The following SLCO1B1 variants were observed in gnomAD, a reference collection of about 807,000 sequenced individuals.
SLCO1B1 encodes solute carrier organic anion transporter family member 1B1.
SLCO1B1 carries 81 observed loss-of-function variants against 70.1 expected under a neutral mutation model. The observed-to-expected ratio is 1.16, with a 90% confidence interval of 0.97 to 1.39. SLCO1B1 has a LOEUF of 1.39. SLCO1B1 is among the 40% of genes most tolerant of loss of function. The pLI, the probability that SLCO1B1 is intolerant of heterozygous loss-of-function variation, is 0.00. For synonymous variants in SLCO1B1, 283 were observed against 271.5 expected (o/e 1.04, Z -0.42); for missense variants, 895 against 799.6 (o/e 1.12, Z -1.44).
chr12:21,200,434 C>T (rs145609093), intron 8 of SLCO1B1, 74 bp from the exon 9 acceptor site: 38 of 986,544 alleles, frequency 3.9e-5, no homozygotes, highest in Admixed American at 5.8e-5. Flanking sequence ...ACATGACTTA[C>T]GTTCACAAAT....
chr12:21,228,115 T>C (rs1470346606), intron 14 of SLCO1B1, among the ~76,000 whole-genome samples: 3 of 152,154 alleles, frequency 2.0e-5, no homozygotes, highest in African/African-American at 7.2e-5. Context: ...AGGGTCGGTC[T>C]TTGTACATCC....
At chr12:21,220,571 C>G (rs1445983082) in intron 12 of SLCO1B1, among the ~76,000 whole-genome samples, 1 of 151,990 alleles carries the variant, frequency 6.6e-6, no homozygotes, top group African/African-American at 2.4e-5. Flanking sequence ...AGGATCAGTT[C>G]TCAATCACTC....
chr12:21,136,102 C>G (rs181871320), intron 1 of SLCO1B1, among the ~76,000 whole-genome samples: 5,758 of 152,158 alleles, frequency 0.038, 397 homozygotes, highest in East Asian at 0.31. Context: ...CTTCGTTTGG[C>G]TGGATATGAA....
chr12:21,147,763 A>G (rs1940408319), intron 2 of SLCO1B1, among the ~76,000 whole-genome samples: 1 of 152,096 alleles, frequency 6.6e-6, no homozygotes. Flanking sequence ...GTGTCTTTAT[A>G]GTAGAATGAT....
rs1268080309 is a variant in SLCO1B1 at position 21,206,022 on chromosome 12, A to G, written c.1486A>G (p.Lys496Glu). ...LAGCKSSSGN[K>E]KPIVFYNCSC... ...AGGTTGCAAATCTTCAAGTGGCAATAAAAAGCCTATAGTGAGTATTAGTTT... is the reference window on the plus strand; with the variant it reads ...AGGTTGCAAATCTTCAAGTGGCAATGAAAAGCCTATAGTGAGTATTAGTTT... The change falls in exon 11 of 15, where the codon AAA (lysine) becomes GAA (glutamate). Residue 496 changes from lysine to glutamate, a missense_variant. Transcript: ENST00000256958. The G allele has an allele frequency of 3.1e-6, 5 of 1,611,554 alleles. No individual in the cohort carries two copies. The highest frequency in any genetic ancestry group is 1.3e-5 in the African/African-American group (1 of 74,834).
At chr12:21,215,037 G>A (rs555670104) in intron 11 of SLCO1B1, among the ~76,000 whole-genome samples, 1 of 152,190 alleles carries the variant, frequency 6.6e-6, no homozygotes, top group Non-Finnish European at 1.5e-5. Context: ...CGTCGCTCAC[G>A]CTGGGAGCTG....
chr12:21,166,883 A>C (rs926314091), intron 2 of SLCO1B1, among the ~76,000 whole-genome samples: 2 of 152,200 alleles, frequency 1.3e-5, no homozygotes, highest in Admixed American at 1.3e-4. Flanking sequence ...ATAAGTTAGA[A>C]GCAACCAAGG....
At chr12:21,211,626 A>G (rs1352129072) in intron 11 of SLCO1B1, among the ~76,000 whole-genome samples, 1 of 152,102 alleles carries the variant, frequency 6.6e-6, no homozygotes, top group Non-Finnish European at 1.5e-5. Flanking sequence ...GAATAGTTTC[A>G]GAAGGAATGG....
In SLCO1B1 at chr12:21,174,670, G is replaced by T; in HGVS notation, c.320G>T (p.Gly107Val). 1 of 1,612,862 alleles carries T rather than the reference G, an allele frequency of 6.2e-7. No individual in the cohort carries two copies. Reference protein sequence around the residue: ...IGIGCFIMGIGGVLTALPHFF... With the variant: ...IGIGCFIMGIVGVLTALPHFF... ...ATCGGTTGTTTCATTATGGGAATTGGAGGTGTTTTGACTGCTTTGCCACAT... is the reference window on the plus strand; with the variant it reads ...ATCGGTTGTTTCATTATGGGAATTGTAGGTGTTTTGACTGCTTTGCCACAT... The change falls in exon 4 of 15, where the codon GGA becomes GTA. Residue 107 changes from glycine (G) to valine (V), a missense_variant. Transcript: ENST00000256958.
intron 2 of SLCO1B1, among the ~76,000 whole-genome samples, chr12:21,160,325 T>G (rs992196531): frequency 1.4e-4 from 21 of 151,908 alleles, no homozygotes; most frequent in African/African-American, 4.6e-4. Context: ...TTAGGCCGCA[T>G]GCCTATGAAC....
intron 2 of SLCO1B1, among the ~76,000 whole-genome samples, chr12:21,169,652 C>G (rs573176299): frequency 1.3e-5 from 2 of 152,172 alleles, no homozygotes; most frequent in South Asian, 4.1e-4. Flanking sequence ...TTCATATTCT[C>G]TTTTAATTCA....
chr12:21,176,936 G>A (rs752194880), intron 5 of SLCO1B1, 39 bp downstream of exon 5: 2 of 1,430,906 alleles, frequency 1.4e-6, no homozygotes, highest in Non-Finnish European at 2.0e-6. Context: ...CTTCTAAAAT[G>A]TATACATTTA....
At chr12:21,176,951 C>T (rs1940828702) in intron 5 of SLCO1B1, 54 bp downstream of exon 5, 3 of 1,334,446 alleles carry the variant, frequency 2.2e-6, no homozygotes, top group Admixed American at 1.7e-5. Flanking sequence ...CATTTAATTA[C>T]ATCTCTAAAA....
rs78268960 is a variant in SLCO1B1, at chr12:21,191,179, A to G, written c.728-5767A>G. ...TTTGTTATATTTTTGTAAAAATACT[A>G]TTGGGCTTTTGATAGGTATTGTATT... is the stretch of plus-strand genomic sequence containing the variant. On this transcript the variant is annotated intron_variant, in intron 7 of 14. Transcript: ENST00000256958. Among the ~76,000 whole-genome samples the G allele has an allele frequency of 2.6e-3, 395 of 152,112 alleles. 4 individuals are homozygous for G. The highest frequency in any genetic ancestry group is 8.9e-3 in the African/African-American group (368 of 41,540).
intron 14 of SLCO1B1, among the ~76,000 whole-genome samples, chr12:21,229,282 C>G (rs78695636): frequency 1.5e-5 from 2 of 136,576 alleles, no homozygotes; most frequent in Non-Finnish European, 3.2e-5. Context: ...AGGTTTCACT[C>G]TTGACATTGT....
chr12:21,164,340 AAAAC>A, intron 2 of SLCO1B1, among the ~76,000 whole-genome samples: 1 of 152,168 alleles, frequency 6.6e-6, no homozygotes, highest in East Asian at 1.9e-4. Flanking sequence ...CAGAAACTAT[AAAAC>A]AAACATACAG....
intron 1 of SLCO1B1, among the ~76,000 whole-genome samples, chr12:21,133,571 G>A (rs924255310): frequency 6.6e-6 from 1 of 152,126 alleles, no homozygotes; most frequent in African/African-American, 2.4e-5. Flanking sequence ...TGGATTCCTA[G>A]GTATTTTATT....
At chr12:21,192,223 C>G (rs778891698) in intron 7 of SLCO1B1, among the ~76,000 whole-genome samples, 1 of 151,914 alleles carries the variant, frequency 6.6e-6, no homozygotes, top group African/African-American at 2.4e-5. Flanking sequence ...TAACACGCAC[C>G]AGTAAAGCCA....
At chr12:21,176,356 A>C (rs1940821132) in intron 4 of SLCO1B1, among the ~76,000 whole-genome samples, 1 of 152,130 alleles carries the variant, frequency 6.6e-6, no homozygotes, top group East Asian at 1.9e-4. Context: ...TACATTTTGA[A>C]GAGTCATACA....
Sources: allele counts gnomAD v4.1 joint callset (sites outside exome capture counted in the v4.1 genomes callset), GRCh38; gene constraint gnomAD v4.1.1; transcripts MANE v1.5; gene names NCBI Gene and HGNC (gene_info 2026-07-23, HGNC 2026-07-21).